Variants in DSCAML1 observed in about 807,000 individuals in gnomAD.
The protein encoded by DSCAML1 is DS cell adhesion molecule like 1.
A neutral mutation model predicts 200.5 loss-of-function variants in DSCAML1; 38 were observed. That is an observed-to-expected ratio of 0.19 (90% CI 0.15 to 0.25). The LOEUF (loss-of-function observed/expected upper bound fraction) is 0.25, where lower values mean the gene tolerates loss of function less well. Ranked by LOEUF, DSCAML1 falls within the 10% of genes least tolerant of loss-of-function variation. The pLI is 1.00. For missense variants in DSCAML1, 2,223 were observed against 2,858.8 expected (o/e 0.78, Z 5.07); for synonymous variants, 1,215 against 1,165.0 (o/e 1.04, Z -0.87).
chr11:117,814,357 G>A (rs189359860), intron 1 of DSCAML1, among the ~76,000 whole-genome samples: 2 of 152,340 alleles, frequency 1.3e-5, no homozygotes, highest in Non-Finnish European at 1.5e-5. Flanking sequence ...GGCTAAGCCA[G>A]GGCTCAAATC....
upstream of DSCAML1, chr11:117,801,882 C>A (rs2055662466): frequency 6.6e-6 from 1 of 152,234 alleles, no homozygotes; most frequent in South Asian, 2.1e-4. Flanking sequence ...CCCTGAATAA[C>A]TGTGGCCTCT....
At chr11:117,778,220 G>A (rs1350895144) in intron 2 of DSCAML1, among the ~76,000 whole-genome samples, 2 of 152,236 alleles carry the variant, frequency 1.3e-5, no homozygotes, top group Non-Finnish European at 2.9e-5. Context: ...GAGAAGAGAG[G>A]AGAGGCACTG....
chr11:117,513,134 C>T (rs1273218262), intron 8 of DSCAML1, among the ~76,000 whole-genome samples: 1 of 152,116 alleles, frequency 6.6e-6, no homozygotes, highest in Non-Finnish European at 1.5e-5. Flanking sequence ...CGGTCCACTG[C>T]TTGTAAGGGA....
chr11:117,458,855 C>T lies in DSCAML1; in HGVS notation c.3467G>A (p.Gly1156Asp). The change falls in exon 19 of 33, where the codon GGC (glycine) becomes GAC (aspartate). Residue 1156 changes from glycine (G) to aspartate (D), a missense_variant. By Grantham distance (94) the Gly-to-Asp change is moderately conservative. Around this residue, in one of 7 missense-constraint regions of DSCAML1, gnomAD observed 438 missense variants for 629.7 expected, o/e 0.70. Transcript: ENST00000651296. ...TTTRERVELRGMEKFTNYSVQ... is the reference protein window; with the variant it reads ...TTTRERVELRDMEKFTNYSVQ... Reference sequence around the variant, plus strand: ...GCTGTAGTTGGTGAACTTCTCCATGCCCCGCAGCTCCACCCGCTCCCGCGT... The same window carrying T: ...GCTGTAGTTGGTGAACTTCTCCATGTCCCGCAGCTCCACCCGCTCCCGCGT... 6.2e-7 allele frequency: 1 copy of T among 1,614,060 alleles called. No individual in the cohort carries two copies. Among genetic ancestry groups the T allele is most frequent in the Non-Finnish European group, 8.5e-7 (1 of 1,180,020 alleles).
At chr11:117,761,230 G>A (rs1181842997) in intron 3 of DSCAML1, among the ~76,000 whole-genome samples, 2 of 152,104 alleles carry the variant, frequency 1.3e-5, no homozygotes, top group African/African-American at 4.8e-5. Context: ...CCCGGAGAAG[G>A]CGTCAAACCT....
chr11:117,659,695 C>G (rs908376042), intron 3 of DSCAML1, among the ~76,000 whole-genome samples: 1 of 151,662 alleles, frequency 6.6e-6, no homozygotes, highest in Non-Finnish European at 1.5e-5. Flanking sequence ...CTGACTTGCC[C>G]GGCACATGTC....
intron 3 of DSCAML1, among the ~76,000 whole-genome samples, chr11:117,649,993 G>A (rs931710817): frequency 3.3e-5 from 5 of 152,194 alleles, no homozygotes; most frequent in Admixed American, 6.5e-5. Flanking sequence ...CCCTTTGGCT[G>A]GCAGGGCATT....
intron 21 of DSCAML1, among the ~76,000 whole-genome samples, chr11:117,442,231 T>A (rs893974208): frequency 7.1e-6 from 1 of 141,410 alleles, no homozygotes; most frequent in Non-Finnish European, 1.5e-5. Flanking sequence ...CTAGTGTGTG[T>A]GTGCGTGTGT....
At chr11:117,809,740 GCT>G (rs1465058743) in intron 1 of DSCAML1, among the ~76,000 whole-genome samples, 1 of 152,088 alleles carries the variant, frequency 6.6e-6, no homozygotes, top group Non-Finnish European at 1.5e-5. Flanking sequence ...GCCGCGCAGC[GCT>G]CCAGATGCTA....
At chr11:117,430,176 C>T (rs1172136038) in intron 32 of DSCAML1, among the ~76,000 whole-genome samples, 1 of 152,218 alleles carries the variant, frequency 6.6e-6, no homozygotes, top group Admixed American at 6.5e-5. Flanking sequence ...CGGCCAGGCC[C>T]GTGGGGTCAG....
chr11:117,563,366 C>T (rs1356746172), intron 3 of DSCAML1, among the ~76,000 whole-genome samples: 1 of 152,138 alleles, frequency 6.6e-6, no homozygotes, highest in Non-Finnish European at 1.5e-5. Flanking sequence ...CCTCCAGTTC[C>T]CCAGCTCTCC....
chr11:117,428,898 C>T, intron 32 of DSCAML1, 95 bp from the exon 33 acceptor site: 1 of 1,291,796 alleles, frequency 7.7e-7, no homozygotes, highest in Admixed American at 2.3e-5. Context: ...CCAGTCTTCT[C>T]TCTGATTTGG....
chr11:117,439,101 C>A lies in DSCAML1; in HGVS notation c.4145-118G>T, dbSNP rs949085688. 7 of 1,324,678 alleles carry A rather than the reference C, an allele frequency of 5.3e-6. No individual in the cohort carries two copies. In the African/African-American group the frequency reaches 6.2e-5, roughly 12 times the overall value. The allele number at this position is 1,324,678 out of a possible 1,614,324, so 82.1% of individuals were successfully genotyped here. A position where few individuals can be genotyped will look rare whatever the true frequency, so the allele number is the denominator to read the frequency against. ...CCACACCCTCACTCCCACTCCCACT[C>A]CCCAGCTCTCCTGCCTCCCCTTCCA... On this transcript the variant is annotated intron_variant, in intron 23 of 32. Coordinates refer to ENST00000651296, the MANE Select transcript of DSCAML1 (RefSeq NM_020693.4).
At chr11:117,601,138 C>T (rs1255417579) in intron 3 of DSCAML1, among the ~76,000 whole-genome samples, 2 of 152,142 alleles carry the variant, frequency 1.3e-5, no homozygotes, top group African/African-American at 2.4e-5. Context: ...AGCCCCCACC[C>T]GCACCAACTA....
intron 11 of DSCAML1, among the ~76,000 whole-genome samples, chr11:117,497,134 G>T (rs1401811158): frequency 6.6e-6 from 1 of 152,172 alleles, no homozygotes; most frequent in African/African-American, 2.4e-5. Context: ...CAACCCACTT[G>T]TTGAGCTCTA....
At chr11:117,510,572 TG>T (rs1252768260) in intron 8 of DSCAML1, among the ~76,000 whole-genome samples, 4 of 152,134 alleles carry the variant, frequency 2.6e-5, no homozygotes, top group African/African-American at 9.7e-5. Context: ...CCCGTCTCCT[TG>T]GCACTCTCAG....
chr11:117,734,441 A>G (rs2054283558), intron 3 of DSCAML1, among the ~76,000 whole-genome samples: 1 of 152,164 alleles, frequency 6.6e-6, no homozygotes, highest in South Asian at 2.1e-4. Context: ...AACTTCCCCA[A>G]CACTGGCTTC....
intron 4 of DSCAML1, among the ~76,000 whole-genome samples, chr11:117,527,310 T>C (rs1448483345): frequency 1.3e-5 from 2 of 152,146 alleles, no homozygotes; most frequent in East Asian, 3.9e-4. Flanking sequence ...TCCTGCCCTC[T>C]GCCACCCCAC....
intron 17 of DSCAML1, among the ~76,000 whole-genome samples, chr11:117,462,661 C>A (rs2048503422): frequency 6.6e-6 from 1 of 152,170 alleles, no homozygotes. Flanking sequence ...AATATAAGCA[C>A]CATGTAATTA....
Sources: allele counts gnomAD v4.1 joint callset (sites outside exome capture counted in the v4.1 genomes callset), GRCh38; gene constraint gnomAD v4.1.1; regional missense constraint gnomAD v4.1.1; transcripts MANE v1.5; gene names NCBI Gene and HGNC (gene_info 2026-07-23, HGNC 2026-07-21).